The following PKD1 variants were observed in gnomAD, a reference collection of about 807,000 sequenced individuals.
PKD1 encodes polycystin 1, transient receptor potential channel interacting, also known as polycystin-1.
A neutral mutation model predicts 361.7 loss-of-function variants in PKD1; 81 were observed. The observed-to-expected ratio is 0.22, with a 90% CI of 0.19 to 0.27. The LOEUF is 0.27. Ranked by LOEUF, PKD1 falls within the 10% of genes least tolerant of loss-of-function variation. The pLI, the probability that PKD1 is intolerant of heterozygous loss-of-function variation, is 1.00. For synonymous variants in PKD1, 3,615 were observed against 2,818.3 expected (o/e 1.28, Z -8.95); for missense variants, 6,399 against 6,118.3 (o/e 1.05, Z -1.53).
At chr16:2,097,295 C>A (rs763029828) in intron 33 of PKD1, 24 bp downstream of exon 33, 40 of 1,611,182 alleles carry the variant, frequency 2.5e-5, no homozygotes, top group Non-Finnish European at 3.3e-5. Context: ...AGCTTCAGAG[C>A]CCCCTCCTCT....
Position 2,118,266 on chromosome 16 carries a change from A to T in PKD1, c.726T>A (p.Phe242Leu), listed in dbSNP as rs750727364. 1.3e-6 allele frequency: 2 copies of T among 1,533,394 alleles called. No individual in the cohort carries two copies. The allele number at this position is 1,533,394 out of a possible 1,614,324, so 95.0% of individuals were successfully genotyped here. ...CGAAQPSSAS[F>L]ACLSLCSGPP... ...GGCCGGAGCAGAGGGACAGGCAGGCAAAGGAGGCACTGGAGGGCTGGGCCG... is the reference window on the plus strand; with the variant it reads ...GGCCGGAGCAGAGGGACAGGCAGGCTAAGGAGGCACTGGAGGGCTGGGCCG... The change falls in exon 5 of 46, where the codon TTT (phenylalanine) becomes TTA (leucine). Residue 242 changes from phenylalanine (F) to leucine (L), a missense_variant. Physicochemically the swap from Phe to Leu is conservative, Grantham distance 22 (BLOSUM62 0). Coordinates refer to ENST00000262304, the MANE Select transcript of PKD1 (RefSeq NM_001009944.3). This position sits in a 1 kb window ranked among gnomAD's most constrained non-coding sequence, Gnocchi z 6.0.
rs1567179299 is a variant in PKD1 at position 2,104,221 on chromosome 16, AGGGGGATG to A, written c.8161+269_8161+276del. On this transcript the variant is annotated intron_variant, in intron 22 of 45. Transcript: ENST00000262304. ...GGGATAAGGGAGGGGAAGGGGGATG[AGGGGGATG>A]AGGAAGATGAGGGGAATGGACAAAA... Among the ~76,000 whole-genome samples the A allele has an allele frequency of 3.2e-4, 7 of 22,002 alleles. No homozygotes were observed. In the Admixed American group the frequency reaches 3.5e-3, roughly 11 times the overall value. 14.4% of individuals were successfully genotyped at this position (22,002 alleles called of 152,430 possible).
intron 30 of PKD1, chr16:2,099,320 T>G: frequency 5.1e-6 from 2 of 389,266 alleles, no homozygotes; most frequent in Middle Eastern, 8.7e-4. Flanking sequence ...ATAGATGTAC[T>G]GAGATTTTCT....
intron 1 of PKD1, among the ~76,000 whole-genome samples, chr16:2,132,143 G>C (rs1277114817): frequency 2.0e-5 from 3 of 150,542 alleles, no homozygotes; most frequent in Non-Finnish European, 3.0e-5. Context: ...CCAGCTACTG[G>C]AGAGGCTGAG....
In PKD1 at chr16:2,090,788, G is replaced by A. The variant is rs781420939; in HGVS notation, c.12024C>T (p.Phe4008=). The A allele has an allele frequency of 1.0e-4, 164 of 1,612,436 alleles. No individual in the cohort carries two copies. The highest frequency in any genetic ancestry group is 4.9e-4 in the Middle Eastern group (3 of 6,084). Residue 4008 remains phenylalanine (F), a synonymous_variant, in exon 44 of 46, where the codon TTC becomes TTT. Transcript: ENST00000262304. ...TGCCAAAGACGGACCACTGGCGCACGAAGCGTAGCTGCTGGGCAGCCTGCG... is the reference window on the plus strand; with the variant it reads ...TGCCAAAGACGGACCACTGGCGCACAAAGCGTAGCTGCTGGGCAGCCTGCG... ...LLVKAAQQLR[F]VRQWSVFGKT...
rs771383874 is a variant in PKD1, at chr16:2,106,294, G to A, written c.7500C>T (p.Asp2500=). Residue 2500 remains aspartate (D), a synonymous_variant, in exon 19 of 46, where the codon GAC becomes GAT. Transcript: ENST00000262304. The surrounding 1 kb of genome is among the most constrained non-coding windows in gnomAD (Gnocchi z 6.5). ...CCAGCGGGGCGCCAGCATCCTCCGC[G>A]TCATGCCAGCCTGAGGGACGGTCCC... The part of the protein sequence containing the change: ...KVHFECTGWH[D]AEDAGAPLVY... 19 of 1,609,592 alleles carry A rather than the reference G, an allele frequency of 1.2e-5. No homozygotes were observed. The highest frequency in any genetic ancestry group is 4.0e-5 in the African/African-American group (3 of 74,828).
chr16:2,099,442 T>C lies in PKD1; in HGVS notation c.10050+202A>G, dbSNP rs1240003810. ...TCTGCTTAGCAAAGTGCCCTCGTTC[T>C]TTCACCATTCTGGCTTCTGAGTCTT... On this transcript the variant is annotated intron_variant, in intron 30 of 45. Coordinates refer to ENST00000262304, the MANE Select transcript of PKD1 (RefSeq NM_001009944.3). 2.6e-5 allele frequency: 18 copies of C among 680,230 alleles called. No individual in the cohort carries two copies. The Admixed American group carries it at 3.7e-4, about 14-fold the overall frequency. 42.1% of individuals were successfully genotyped at this position (680,230 alleles called of 1,614,324 possible).
At position 2,090,431 on chromosome 16, in the gene PKD1, G is replaced by T. The variant is rs745435821; in HGVS notation, c.12298C>A (p.Arg4100=). ...LWALRLWGAL[R]LGAVILRWRY... is the part of the protein sequence containing the mutation. ...CAGCGGAGAATAACAGCCCCCAGCC[G>T]TAGGGCGCCCCACAGCCGCAGTGCC... is the stretch of plus-strand genomic sequence containing the variant. Residue 4100 remains arginine (R), a synonymous_variant, in exon 45 of 46, where the codon CGG becomes AGG. Transcript: ENST00000262304. 3.7e-6 allele frequency: 6 copies of T among 1,612,526 alleles called. No individual in the cohort carries two copies. The African/African-American group carries it at 5.3e-5, about 14-fold the overall frequency.
At chr16:2,104,766 G>A (rs938919785) in intron 21 of PKD1, 124 bp from the exon 22 acceptor site, 8 of 780,576 alleles carry the variant, frequency 1.0e-5, no homozygotes, top group Middle Eastern at 3.5e-4. Flanking sequence ...CCACTTGACT[G>A]GACCCCCACA....
chr16:2,110,634 C>A lies in PKD1; in HGVS notation c.4533G>T (p.Pro1511=), dbSNP rs566784894. ...DLGDGGWLEG[P]EVTHAYNSTG... ...TGCTGTTGTAAGCGTGGGTGACCTC[C>A]GGACCCTCGAGCCACCCACCGTCCC... is the stretch of plus-strand genomic sequence containing the variant. Residue 1511 remains proline, a synonymous_variant, in exon 15 of 46, where the codon CCG becomes CCT. Transcript: ENST00000262304. The A allele has an allele frequency of 6.2e-7, 1 of 1,610,060 alleles. No homozygotes were observed. Among genetic ancestry groups the A allele is most frequent in the Admixed American group, 1.7e-5 (1 of 60,000 alleles).
In PKD1 at chr16:2,109,810, G is replaced by T. The variant is rs151176070; in HGVS notation, c.5357C>A (p.Pro1786Gln). The change falls in exon 15 of 46, where the codon CCG becomes CAG. Residue 1786 changes from proline (P) to glutamine (Q), a missense_variant. Coordinates refer to ENST00000262304, the MANE Select transcript of PKD1 (RefSeq NM_001009944.3). ...CACGGTGGCGTTGGCTGAGCCCAGC[G>T]GGTTCCCTGCCGTCATGGTGACCAA... is the stretch of plus-strand genomic sequence containing the variant. ...LHLVTMTAGN[P>Q]LGSANATVEV... is the part of the protein sequence containing the mutation. 9 of 1,610,398 alleles carry T rather than the reference G, an allele frequency of 5.6e-6. No individual in the cohort carries two copies. The East Asian group carries it at 1.8e-4, about 32-fold the overall frequency.
chr16:2,096,806 C>T lies in PKD1; in HGVS notation c.10499+342G>A, dbSNP rs1012245391. 63 of 352,574 alleles carry T rather than the reference C, an allele frequency of 1.8e-4. 2 individuals carry two copies. Among genetic ancestry groups the T allele is most frequent in the Admixed American group, 1.6e-3 (38 of 23,060 alleles). The allele number at this position is 352,574 out of a possible 1,614,324, so 21.8% of individuals were successfully genotyped here. A position where few individuals can be genotyped will look rare whatever the true frequency, so the allele number is the denominator to read the frequency against. ...TGCTGGGATTACACGTGTGAGCCAC[C>T]GCGCCCGGCCAAAAATGGGGTATTT... On this transcript the variant is annotated intron_variant, in intron 34 of 45. Coordinates refer to ENST00000262304, the MANE Select transcript of PKD1 (RefSeq NM_001009944.3).
At position 2,100,330 on chromosome 16, in the gene PKD1, G is replaced by T. The variant is rs372313650; in HGVS notation, c.9569-21C>A. Reference sequence around the variant, plus strand: ...GAGCCCTGCAGAGGCGCAGGAGGGAGGTCAGGCTCGCAGGGCGCCCCAATG... The same window carrying T: ...GAGCCCTGCAGAGGCGCAGGAGGGATGTCAGGCTCGCAGGGCGCCCCAATG... On this transcript the variant is annotated intron_variant, in intron 27 of 45. Transcript: ENST00000262304. The surrounding 1 kb of genome is among the most constrained non-coding windows in gnomAD (Gnocchi z 4.4). The T allele has an allele frequency of 6.2e-7, 1 of 1,610,102 alleles. No individual in the cohort carries two copies. The highest frequency in any genetic ancestry group is 8.5e-7 in the Non-Finnish European group (1 of 1,179,218).
At chr16:2,098,118 G>A (rs2091922471) in intron 30 of PKD1, 134 bp from the exon 31 acceptor site, 6 of 648,916 alleles carry the variant, frequency 9.2e-6, no homozygotes, top group Non-Finnish European at 1.4e-5. Flanking sequence ...TGGATATATG[G>A]GACATCTGCA....
intron 16 of PKD1, chr16:2,107,519 T>C: frequency 7.5e-6 from 3 of 400,358 alleles, no homozygotes; most frequent in Non-Finnish European, 1.4e-5. Context: ...CCAAGCCTCC[T>C]GGCCGGTCCA....
intron 26 of PKD1, among the ~76,000 whole-genome samples, chr16:2,101,173 G>A (rs1365180146): frequency 6.6e-6 from 1 of 152,066 alleles, no homozygotes; most frequent in East Asian, 1.9e-4. Context: ...CTTTTTATTA[G>A]AGACAGGGTT....
rs759998149 is a variant in PKD1, at chr16:2,109,775, C to T, written c.5392G>A (p.Val1798Met). Residue 1798 changes from valine to methionine, a missense_variant, in exon 15 of 46, where the codon GTG (valine) becomes ATG (methionine). Coordinates refer to ENST00000262304, the MANE Select transcript of PKD1 (RefSeq NM_001009944.3). Reference protein sequence around the residue: ...GSANATVEVDVQVPVSGLSIR... With the variant: ...GSANATVEVDMQVPVSGLSIR... ...CTGAGGCCACTCACAGGCACCTGCACATCCACTTCCACGGTGGCGTTGGCT... is the reference window on the plus strand; with the variant it reads ...CTGAGGCCACTCACAGGCACCTGCATATCCACTTCCACGGTGGCGTTGGCT... The T allele has an allele frequency of 3.7e-6, 6 of 1,609,918 alleles. No individual in the cohort carries two copies. Among genetic ancestry groups the T allele is most frequent in the Non-Finnish European group, 5.1e-6 (6 of 1,179,424 alleles).
At position 2,114,564 on chromosome 16, in the gene PKD1, G is replaced by A. The variant is rs1254981533; in HGVS notation, c.2459C>T (p.Pro820Leu). The change falls in exon 11 of 46, where the codon CCA (proline) becomes CTA (leucine). Residue 820 changes from proline to leucine, a missense_variant. By Grantham distance (98) the Pro-to-Leu change is moderately conservative (BLOSUM62 -3). Transcript: ENST00000262304. Reference protein sequence around the residue: ...NLSCSFDVVSPVAGLRVIYPA... With the variant: ...NLSCSFDVVSLVAGLRVIYPA... Reference sequence around the variant, plus strand: ...GTAGATGACCCGCAGCCCAGCCACTGGGGAGACCACGTCAAAGCTGCAGGA... The same window carrying A: ...GTAGATGACCCGCAGCCCAGCCACTAGGGAGACCACGTCAAAGCTGCAGGA... 4 of 1,594,340 alleles carry A rather than the reference G, an allele frequency of 2.5e-6. No individual in the cohort carries two copies. Among genetic ancestry groups the A allele is most frequent in the Non-Finnish European group, 3.4e-6 (4 of 1,178,958 alleles).
chr16:2,093,477 G>C, intron 37 of PKD1, 67 bp downstream of exon 37: 1 of 1,420,618 alleles, frequency 7.0e-7, no homozygotes, highest in Non-Finnish European at 9.7e-7. Flanking sequence ...AGTGTCCTGC[G>C]TGCATGGGTG....
Sources: allele counts gnomAD v4.1 joint callset (sites outside exome capture counted in the v4.1 genomes callset), GRCh38; gene constraint gnomAD v4.1.1; non-coding constraint Gnocchi (gnomAD v3.1); transcripts MANE v1.5; gene names NCBI Gene and HGNC (gene_info 2026-07-23, HGNC 2026-07-21).